Variants in ADAMTSL3 observed in about 807,000 individuals in gnomAD.
The protein encoded by ADAMTSL3 is ADAMTS like 3, also known as ADAMTS-like protein 3.
Under a neutral mutation model 201.7 loss-of-function variants are expected in ADAMTSL3, and 128 were observed. The ratio of observed to expected loss-of-function variants is 0.63; its 90% CI spans 0.55 to 0.73. The LOEUF (loss-of-function observed/expected upper bound fraction) is 0.73. ADAMTSL3 is among the 30% of genes least tolerant of loss of function. ADAMTSL3 has a pLI of 0.00. For synonymous variants in ADAMTSL3, 738 were observed against 748.4 expected, an observed-to-expected ratio of 0.99 and a Z score of 0.23; for missense variants, 1,990 against 2,119.6, an observed-to-expected ratio of 0.94 and a Z score of 1.20.
chr15:83,995,022 A>C (rs1474328147), intron 23 of ADAMTSL3, among the ~76,000 whole-genome samples: 1 of 152,164 alleles, frequency 6.6e-6, no homozygotes. Flanking sequence ...ACAAAGTCTC[A>C]CCAAGCCCCC....
At chr15:83,746,011 C>A (rs1179892956) in intron 3 of ADAMTSL3, among the ~76,000 whole-genome samples, 1 of 152,104 alleles carries the variant, frequency 6.6e-6, no homozygotes, top group African/African-American at 2.4e-5. Context: ...GCTGTTCTAA[C>A]AAATAGGCCT....
chr15:83,778,347 T>A (rs6602986), intron 4 of ADAMTSL3, among the ~76,000 whole-genome samples: 1 of 152,030 alleles, frequency 6.6e-6, no homozygotes, highest in African/African-American at 2.4e-5. Context: ...AAGGCTGAAA[T>A]GAGAAAAAAT....
chr15:83,715,509 C>T (rs1205507400), intron 3 of ADAMTSL3, among the ~76,000 whole-genome samples: 1 of 152,168 alleles, frequency 6.6e-6, no homozygotes, highest in Non-Finnish European at 1.5e-5. Flanking sequence ...TTAAGTCCTT[C>T]TCCTCTGCAC....
intron 5 of ADAMTSL3, among the ~76,000 whole-genome samples, chr15:83,808,104 G>A (rs911004990): frequency 6.6e-6 from 1 of 152,016 alleles, no homozygotes; most frequent in Non-Finnish European, 1.5e-5. Context: ...GACCTCAAAA[G>A]CACAGACAAT....
intron 10 of ADAMTSL3, among the ~76,000 whole-genome samples, chr15:83,888,361 G>T (rs12912911): frequency 0.14 from 21,061 of 152,022 alleles, 1,888 homozygotes; most frequent in Middle Eastern, 0.33. Context: ...ACCTGTATAT[G>T]CCCTGTTTTC....
rs537495626 is a variant in ADAMTSL3, at chr15:83,752,829, T to C, written c.190-20694T>C. On this transcript the variant is annotated intron_variant, in intron 3 of 29. Coordinates refer to ENST00000286744, the MANE Select transcript of ADAMTSL3 (RefSeq NM_207517.3). Reference sequence around the variant, plus strand: ...CTGAAGTTTACACAAACATTTCTTCTCTTTTCCTCTGCCAAAATTATAGAG... The same window carrying C: ...CTGAAGTTTACACAAACATTTCTTCCCTTTTCCTCTGCCAAAATTATAGAG... Among the ~76,000 whole-genome samples the C allele has an allele frequency of 9.2e-5, 14 of 152,350 alleles. No homozygotes were observed. The East Asian group carries it at 2.5e-3, about 27-fold the overall frequency.
intron 9 of ADAMTSL3, among the ~76,000 whole-genome samples, chr15:83,875,653 C>G (rs6602999): frequency 0.89 from 134,722 of 151,918 alleles, 60,018 homozygotes; most frequent in African/African-American, 0.97. Context: ...CATGGTGGCA[C>G]GCGCCTGTAA....
chr15:84,012,051 A>G (rs999238140), intron 23 of ADAMTSL3, among the ~76,000 whole-genome samples: 1 of 152,200 alleles, frequency 6.6e-6, no homozygotes, highest in Non-Finnish European at 1.5e-5. Context: ...ATATATGCAC[A>G]TGTGATTAGC....
At chr15:83,773,486 TG>T (rs1284643566) in intron 3 of ADAMTSL3, 36 bp from the exon 4 acceptor site, 1 of 1,589,088 alleles carries the variant, frequency 6.3e-7, no homozygotes. Context: ...CTTTATTGTG[TG>T]GTTTTTTTTT....
At chr15:83,906,379 G>T (rs2065832839) in intron 15 of ADAMTSL3, among the ~76,000 whole-genome samples, 1 of 151,984 alleles carries the variant, frequency 6.6e-6, no homozygotes, top group Admixed American at 6.6e-5. Flanking sequence ...GGGGCATGTG[G>T]TCTCTCCATT....
intron 3 of ADAMTSL3, among the ~76,000 whole-genome samples, chr15:83,720,659 T>G (rs2062087696): frequency 1.3e-5 from 2 of 152,234 alleles, no homozygotes. Context: ...TGAATAGCCA[T>G]GTTAAGTACT....
At chr15:83,782,378 C>T (rs2063185342) in intron 4 of ADAMTSL3, among the ~76,000 whole-genome samples, 1 of 152,026 alleles carries the variant, frequency 6.6e-6, no homozygotes, top group Non-Finnish European at 1.5e-5. Flanking sequence ...TCAGGAGGCT[C>T]AAGCAGGAGA....
chr15:83,756,545 G>A (rs1030427163), intron 3 of ADAMTSL3, among the ~76,000 whole-genome samples: 1 of 152,042 alleles, frequency 6.6e-6, no homozygotes, highest in Admixed American at 6.6e-5. Flanking sequence ...AATTATGGGA[G>A]CTGCAATTTG....
intron 3 of ADAMTSL3, among the ~76,000 whole-genome samples, chr15:83,747,705 G>A (rs757532059): frequency 1.3e-5 from 2 of 152,098 alleles, no homozygotes; most frequent in African/African-American, 2.4e-5. Flanking sequence ...TTTACTTTTT[G>A]TCTACTTCGT....
intron 21 of ADAMTSL3, among the ~76,000 whole-genome samples, chr15:83,984,803 A>G (rs186852375): frequency 1.3e-5 from 2 of 152,228 alleles, no homozygotes; most frequent in African/African-American, 4.8e-5. Context: ...ATAATAAAAG[A>G]AGACAGCTGG....
intron 5 of ADAMTSL3, among the ~76,000 whole-genome samples, chr15:83,818,506 TCA>T (rs1343482962): frequency 6.6e-6 from 1 of 152,164 alleles, no homozygotes; most frequent in Non-Finnish European, 1.5e-5. Context: ...CTTGTATTTT[TCA>T]CAGAGACGGG....
At chr15:83,683,931 G>C (rs2061507101) in intron 2 of ADAMTSL3, among the ~76,000 whole-genome samples, 1 of 152,044 alleles carries the variant, frequency 6.6e-6, no homozygotes, top group Admixed American at 6.6e-5. Flanking sequence ...TTTTGTTTTT[G>C]TTTTCTCATT....
chr15:83,843,675 T>G (rs2064431525), intron 7 of ADAMTSL3, among the ~76,000 whole-genome samples: 1 of 152,106 alleles, frequency 6.6e-6, no homozygotes, highest in African/African-American at 2.4e-5. Flanking sequence ...AAGAATTCAT[T>G]CCAATCTTCC....
intron 10 of ADAMTSL3, among the ~76,000 whole-genome samples, chr15:83,889,002 A>G (rs2065453560): frequency 1.3e-5 from 2 of 152,198 alleles, no homozygotes; most frequent in African/African-American, 2.4e-5. Context: ...GTTTTGAAAA[A>G]TTACCTTTTT....
Sources: allele counts gnomAD v4.1 joint callset (sites outside exome capture counted in the v4.1 genomes callset), GRCh38; gene constraint gnomAD v4.1.1; transcripts MANE v1.5; gene names NCBI Gene and HGNC (gene_info 2026-07-23, HGNC 2026-07-21).